Variants in IRAK4 observed in about 807,000 individuals in gnomAD.
IRAK4 encodes interleukin 1 receptor associated kinase 4, also known as interleukin-1 receptor-associated kinase 4.
Under a neutral mutation model 51.8 loss-of-function variants are expected in IRAK4, and 44 were observed. The ratio of observed to expected loss-of-function variants is 0.85; its 90% CI spans 0.67 to 1.09. The LOEUF is 1.09. Among genes scored for constraint, IRAK4 ranks in the 50% least tolerant of loss-of-function variants. The probability of loss-of-function intolerance (pLI) is 0.00; values close to 1 mark genes in which losing one functional copy is unlikely to be tolerated. For synonymous variants in IRAK4, 149 were observed against 174.1 expected, an observed-to-expected ratio of 0.86 and a Z score of 1.13; for missense variants, 487 against 538.0, an observed-to-expected ratio of 0.91 and a Z score of 0.94.
At chr12:43,783,884 C>T (rs567425253) in intron 10 of IRAK4, among the ~76,000 whole-genome samples, 160 bp downstream of exon 10, 1 of 152,144 alleles carries the variant, frequency 6.6e-6, no homozygotes, top group Non-Finnish European at 1.5e-5. Flanking sequence ...TATTTTCATT[C>T]TCAGCTCTCC....
rs759924282 is a variant in IRAK4 at position 43,778,170 on chromosome 12, A to T, written c.832-23A>T. The T allele has an allele frequency of 1.1e-5, 15 of 1,323,050 alleles. No homozygotes were observed. In the Admixed American group the frequency reaches 2.5e-4, roughly 22 times the overall value. 82.0% of individuals were successfully genotyped at this position (1,323,050 alleles called of 1,614,324 possible). A position where few individuals can be genotyped will look rare whatever the true frequency, so the allele number is the denominator to read the frequency against. On this transcript the variant is annotated intron_variant, in intron 7 of 11. Transcript: ENST00000613694. ...TTTTTTATTATTCTTTCTCATTTTTAATTTGGTTTATTTCTTTATAAGGAT... is the reference window on the plus strand; with the variant it reads ...TTTTTTATTATTCTTTCTCATTTTTTATTTGGTTTATTTCTTTATAAGGAT...
chr12:43,778,380 T>A, intron 8 of IRAK4, 78 bp downstream of exon 8: 1 of 813,172 alleles, frequency 1.2e-6, no homozygotes, highest in African/African-American at 1.7e-5. Context: ...ACGATTCATA[T>A]GCAGGTCTTA....
intron 1 of IRAK4, among the ~76,000 whole-genome samples, chr12:43,767,635 G>T (rs866960499): frequency 1.4e-5 from 2 of 144,392 alleles, no homozygotes; most frequent in Non-Finnish European, 3.1e-5. Context: ...ATTTCAGTAC[G>T]TTTTTTTTTT....
chr12:43,777,538 C>CT, intron 6 of IRAK4, 92 bp from the exon 7 acceptor site: 2 of 1,219,032 alleles, frequency 1.6e-6, no homozygotes, highest in Non-Finnish European at 1.1e-6. Context: ...TTTTTTTGCT[C>CT]TTTTTTTCTA....
chr12:43,788,731 TG>T lies in IRAK4; in HGVS notation c.*2020del, dbSNP rs1942372619. 6.6e-6 allele frequency: 1 copy of T among 152,002 alleles called. No individual in the cohort carries two copies. The highest frequency in any genetic ancestry group is 1.5e-5 in the Non-Finnish European group (1 of 68,084). 9.4% of individuals were successfully genotyped at this position (152,002 alleles called of 1,614,324 possible). A position where few individuals can be genotyped will look rare whatever the true frequency, so the allele number is the denominator to read the frequency against. On this transcript the variant is annotated 3_prime_UTR_variant, in exon 12 of 12. Coordinates refer to ENST00000613694, the MANE Select transcript of IRAK4 (RefSeq NM_016123.4). ...ATTTTTTTTGTATTTTTAGTAGAGA[TG>T]GGGTTTCACTGTGTTAGCCAGGATG...
At chr12:43,776,888 A>G (rs1406219478) in intron 6 of IRAK4, among the ~76,000 whole-genome samples, 1 of 152,238 alleles carries the variant, frequency 6.6e-6, no homozygotes, top group Non-Finnish European at 1.5e-5. Context: ...TGTAAATTAG[A>G]TGTGATTCAA....
intron 10 of IRAK4, among the ~76,000 whole-genome samples, chr12:43,785,034 G>T (rs775658805): frequency 2.6e-5 from 4 of 152,054 alleles, no homozygotes; most frequent in Admixed American, 1.3e-4. Context: ...TTTGCTCATA[G>T]TTCTGGAGGC....
At chr12:43,767,599 C>A (rs1477437602) in intron 1 of IRAK4, among the ~76,000 whole-genome samples, 1 of 151,416 alleles carries the variant, frequency 6.6e-6, no homozygotes, top group Non-Finnish European at 1.5e-5. Flanking sequence ...GGTGGGTGGA[C>A]CATATCTGTT....
At position 43,786,536 on chromosome 12, in the gene IRAK4, TAA is replaced by T; in HGVS notation, c.1327_1328del (p.Lys443GlufsTer5). 4 of 1,613,536 alleles carry T rather than the reference TAA, an allele frequency of 2.5e-6. No homozygotes were observed. Among genetic ancestry groups the T allele is most frequent in the Non-Finnish European group, 3.4e-6 (4 of 1,179,776 alleles). On this transcript the variant is annotated frameshift_variant, in exon 11 of 12. Coordinates refer to ENST00000613694, the MANE Select transcript of IRAK4 (RefSeq NM_016123.4). LOFTEE classifies it high-confidence loss of function. ...GTCAATGTCTGCATGAAAAGAAAAA[TAA>T]GAGACCAGACATTAAGAAGGTATGC... ...ASQCLHEKKN[K>X]RPDIKKVQQL...
intron 6 of IRAK4, among the ~76,000 whole-genome samples, chr12:43,775,874 CTTTT>C (rs770553873): frequency 1.1e-5 from 1 of 90,538 alleles, no homozygotes; most frequent in Non-Finnish European, 2.0e-5. Context: ...AATATCATTA[CTTTT>C]TTTTTTTTTT....
At chr12:43,761,761 C>T (rs1269839079) in intron 1 of IRAK4, among the ~76,000 whole-genome samples, 2 of 152,286 alleles carry the variant, frequency 1.3e-5, no homozygotes, top group Non-Finnish European at 2.9e-5. Context: ...ATCTTTTGCC[C>T]TCCTGTTTTG....
intron 8 of IRAK4, among the ~76,000 whole-genome samples, chr12:43,781,149 A>G (rs1022116314): frequency 2.0e-5 from 3 of 152,162 alleles, no homozygotes; most frequent in African/African-American, 7.2e-5. Context: ...CTCATTCTCT[A>G]TATCATGCTA....
chr12:43,767,635 G>A (rs866960499), intron 1 of IRAK4, among the ~76,000 whole-genome samples: 17 of 144,394 alleles, frequency 1.2e-4, no homozygotes, highest in Admixed American at 3.5e-4. Context: ...ATTTCAGTAC[G>A]TTTTTTTTTT....
At chr12:43,766,819 T>C (rs1940199395) in intron 1 of IRAK4, among the ~76,000 whole-genome samples, 1 of 152,216 alleles carries the variant, frequency 6.6e-6, no homozygotes, top group South Asian at 2.1e-4. Flanking sequence ...TCACTAGGTG[T>C]ATATTCATGA....
chr12:43,778,321 A>C lies in IRAK4; in HGVS notation c.941+19A>C. ...TTAAAAGGTAAATGCTACTGTTTAA[A>C]AGTTTTTGGAAAGCTGTCTTTAAAG... On this transcript the variant is annotated intron_variant, in intron 8 of 11. Coordinates refer to ENST00000613694, the MANE Select transcript of IRAK4 (RefSeq NM_016123.4). 7.5e-7 allele frequency: 1 copy of C among 1,329,366 alleles called. No individual in the cohort carries two copies. The highest frequency in any genetic ancestry group is 2.3e-5 in the East Asian group (1 of 43,536). The allele number at this position is 1,329,366 out of a possible 1,614,324, so 82.3% of individuals were successfully genotyped here.
In IRAK4 at chr12:43,768,249, T is replaced by C. The variant is rs1400563632; in HGVS notation, c.138T>C (p.Asp46=). ...CTATTAAAAAACCATCTGGTGATGA[T>C]AGATACAATCAGTTTCACATAAGGT... ...AVAIKKPSGD[D]RYNQFHIRRF... The change falls in exon 2 of 12, where the codon GAT becomes GAC. Residue 46 remains aspartate (D), a synonymous_variant. Transcript: ENST00000613694. 2 of 1,612,122 alleles carry C rather than the reference T, an allele frequency of 1.2e-6. No homozygotes were observed. The highest frequency in any genetic ancestry group is 2.2e-5 in the East Asian group (1 of 44,822).
intron 1 of IRAK4, among the ~76,000 whole-genome samples, chr12:43,762,757 G>T (rs1182567536): frequency 6.6e-6 from 1 of 152,160 alleles, no homozygotes; most frequent in Non-Finnish European, 1.5e-5. Flanking sequence ...TTTGAATTGG[G>T]CTTGAAGGAA....
intron 6 of IRAK4, 24 bp downstream of exon 6, chr12:43,774,053 G>A (rs1249134555): frequency 3.8e-6 from 6 of 1,573,246 alleles, no homozygotes; most frequent in South Asian, 3.3e-5. Context: ...TGGCAGTGCG[G>A]TGTAGTGGAA....
At chr12:43,762,075 T>C (rs1239716999) in intron 1 of IRAK4, among the ~76,000 whole-genome samples, 1 of 152,120 alleles carries the variant, frequency 6.6e-6, no homozygotes, top group Non-Finnish European at 1.5e-5. Context: ...TTATTGAAAA[T>C]TCAGAAAAGC....
Sources: gnomAD v4.1 joint callset for allele counts (sites outside exome capture counted in the v4.1 genomes callset) on GRCh38, gnomAD v4.1.1 for gene constraint, MANE v1.5 for transcripts, NCBI Gene and HGNC (gene_info 2026-07-23, HGNC 2026-07-21) for gene names.